ENKUR: variants seen among roughly 807,000 people sequenced by gnomAD.
The protein encoded by ENKUR is enkurin.
ENKUR carries 19 observed loss-of-function variants against 27.6 expected under a neutral mutation model. That is an observed-to-expected ratio of 0.69 (90% CI 0.48 to 1.01). The LOEUF (loss-of-function observed/expected upper bound fraction) is 1.01, where lower values mean the gene tolerates loss of function less well. ENKUR is among the 50% of genes least tolerant of loss of function. ENKUR has a pLI of 0.00. For missense variants in ENKUR, 312 were observed against 310.5 expected (o/e 1.00, Z -0.04); for synonymous variants, 117 against 96.9 (o/e 1.21, Z -1.22).
At chr10:24,997,041 A>G (rs1850078075) in intron 2 of ENKUR, among the ~76,000 whole-genome samples, 1 of 152,166 alleles carries the variant, frequency 6.6e-6, no homozygotes, top group African/African-American at 2.4e-5. Flanking sequence ...CAAGCCAATG[A>G]GAGATGCTTT....
chr10:25,025,449 C>T, intron 2 of ENKUR: 1 of 1,593,084 alleles, frequency 6.3e-7, no homozygotes, highest in South Asian at 1.2e-5. Flanking sequence ...AAAATCAATT[C>T]ATATGAAAGC....
At chr10:25,049,379 G>A (rs1048056281) in intron 2 of ENKUR, among the ~76,000 whole-genome samples, 1 of 148,104 alleles carries the variant, frequency 6.8e-6, no homozygotes, top group African/African-American at 2.5e-5. Context: ...CTCAATAAGG[G>A]TATGTAAATA....
At position 25,028,562 on chromosome 10, in the gene ENKUR, G is replaced by A. The variant is rs375062417; in HGVS notation, c.37+32550C>T. ...AACCTTTCTTCTTATGGTATTTAGAGTCTTTCTGTACTTTAGCATAAGAAC... is the reference window on the plus strand; with the variant it reads ...AACCTTTCTTCTTATGGTATTTAGAATCTTTCTGTACTTTAGCATAAGAAC... On this transcript the variant is annotated intron_variant, in intron 2 of 5. Coordinates refer to the ENKUR transcript ENST00000615958. 2.6e-5 allele frequency among the ~76,000 whole-genome samples: 4 copies of A among 152,080 alleles called. No homozygotes were observed. The East Asian group carries it at 7.7e-4, about 29-fold the overall frequency.
At chr10:25,045,619 T>C (rs549801453) in intron 2 of ENKUR, among the ~76,000 whole-genome samples, 23 of 152,322 alleles carry the variant, frequency 1.5e-4, no homozygotes, top group African/African-American at 5.5e-4. Flanking sequence ...GACTTTTAAA[T>C]TTGAAACTGA....
chr10:25,045,140 A>G (rs1443623724), intron 2 of ENKUR, among the ~76,000 whole-genome samples: 1 of 152,170 alleles, frequency 6.6e-6, no homozygotes, highest in Non-Finnish European at 1.5e-5. Context: ...TTCATGGTCC[A>G]TTACCTTTAA....
At chr10:24,996,897 G>A (rs1421150176) in intron 2 of ENKUR, among the ~76,000 whole-genome samples, 3 of 152,164 alleles carry the variant, frequency 2.0e-5, no homozygotes, top group African/African-American at 4.8e-5. Context: ...CTTTAAAGAG[G>A]TAATTAAGTC....
At chr10:25,002,562 A>C (rs1793429767) in intron 1 of ENKUR, among the ~76,000 whole-genome samples, 1 of 152,106 alleles carries the variant, frequency 6.6e-6, no homozygotes, top group South Asian at 2.1e-4. Flanking sequence ...TTTATTGTTC[A>C]GAGTCTGATA....
chr10:25,058,971 A>G (rs976380578), intron 2 of ENKUR, among the ~76,000 whole-genome samples: 2 of 148,906 alleles, frequency 1.3e-5, no homozygotes, highest in Non-Finnish European at 3.0e-5. Flanking sequence ...CCCAGGGCCC[A>G]CCTGAAACTC....
intron 2 of ENKUR, among the ~76,000 whole-genome samples, chr10:25,056,170 G>A (rs922467375): frequency 1.3e-4 from 20 of 152,166 alleles, no homozygotes; most frequent in African/African-American, 4.1e-4. Flanking sequence ...TGATAGAGTC[G>A]GAATTTGAAT....
intron 2 of ENKUR, among the ~76,000 whole-genome samples, chr10:25,051,607 A>G (rs1458806064): frequency 6.6e-6 from 1 of 152,194 alleles, no homozygotes; most frequent in Non-Finnish European, 1.5e-5. Flanking sequence ...TCCCTATCAC[A>G]AGGACAGCAC....
intron 2 of ENKUR, among the ~76,000 whole-genome samples, chr10:25,046,967 G>T (rs1403273811): frequency 1.3e-5 from 2 of 152,126 alleles, no homozygotes; most frequent in Admixed American, 6.5e-5. Flanking sequence ...GTGAGAATTT[G>T]TCATTTGCAA....
chr10:25,017,608 AC>A (rs979066128), upstream of ENKUR, among the ~76,000 whole-genome samples: 1 of 146,268 alleles, frequency 6.8e-6, no homozygotes, highest in Non-Finnish European at 1.5e-5. Context: ...ACATAAGAAT[AC>A]GTTAAGTTTT....
rs530980343 is a variant in ENKUR, at chr10:25,000,472, G to A, written c.78-926C>T. Reference sequence around the variant, plus strand: ...TCTTCTTTCAATTAAAATAGTTTTTGCTTTATGTATTTTGAAACTCTGTTT... The same window carrying A: ...TCTTCTTTCAATTAAAATAGTTTTTACTTTATGTATTTTGAAACTCTGTTT... On this transcript the variant is annotated intron_variant, in intron 1 of 5. Transcript: ENST00000331161. Among the ~76,000 whole-genome samples the A allele has an allele frequency of 4.6e-4, 70 of 152,104 alleles. 1 individual carries two copies. The highest frequency in any genetic ancestry group is 1.6e-3 in the African/African-American group (67 of 41,528).
Position 25,023,865 on chromosome 10 carries a change from C to CA in ENKUR, c.38-27997dup, listed in dbSNP as rs557931570. ...GGGCTTCCCCAGAGGAGGTAGCTGACAAAGTGCTGAATGCAATTAAAAGAT... is the reference window on the plus strand; with the variant it reads ...GGGCTTCCCCAGAGGAGGTAGCTGACAAAAGTGCTGAATGCAATTAAAAGAT... On this transcript the variant is annotated intron_variant, in intron 2 of 5. Coordinates refer to the ENKUR transcript ENST00000615958. 51 of 1,614,136 alleles carry CA rather than the reference C, an allele frequency of 3.2e-5. No individual in the cohort carries two copies. In the East Asian group the frequency reaches 8.7e-4, roughly 28 times the overall value.
intron 2 of ENKUR, among the ~76,000 whole-genome samples, chr10:25,048,879 T>G (rs756408160): frequency 2.6e-5 from 4 of 151,646 alleles, no homozygotes; most frequent in African/African-American, 4.9e-5. Context: ...TTCTTGAAGA[T>G]AGATACAGAT....
At chr10:25,045,025 C>T (rs1342202010) in intron 2 of ENKUR, among the ~76,000 whole-genome samples, 1 of 152,210 alleles carries the variant, frequency 6.6e-6, no homozygotes, top group East Asian at 1.9e-4. Context: ...TATGCCTTAC[C>T]ATCTGAGGAA....
chr10:25,042,818 C>A (rs1242988009), intron 2 of ENKUR, among the ~76,000 whole-genome samples: 15 of 150,378 alleles, frequency 1.0e-4, no homozygotes, highest in African/African-American at 3.4e-4. Flanking sequence ...GCACACTACT[C>A]TAGTGTGGGT....
chr10:25,020,180 T>G (rs1850688250), upstream of ENKUR, among the ~76,000 whole-genome samples: 1 of 151,876 alleles, frequency 6.6e-6, no homozygotes. Context: ...GGAACATGTT[T>G]GTGGGAAATA....
chr10:25,036,670 C>A (rs901720895), intron 2 of ENKUR, among the ~76,000 whole-genome samples: 3 of 152,136 alleles, frequency 2.0e-5, no homozygotes, highest in African/African-American at 4.8e-5. Context: ...CAGAAACTAA[C>A]CAAACTTACC....
Sources: allele counts gnomAD v4.1 joint callset (sites outside exome capture counted in the v4.1 genomes callset), GRCh38; gene constraint gnomAD v4.1.1; transcripts MANE v1.5; gene names NCBI Gene and HGNC (gene_info 2026-07-23, HGNC 2026-07-21).